Variants in SERPINE3 observed in about 807,000 individuals in gnomAD.
The protein encoded by SERPINE3 is serpin E3.
In SERPINE3, 43 loss-of-function variants were observed where a neutral mutation model predicts 41.7. That is an observed-to-expected ratio of 1.03 (90% CI 0.81 to 1.33). The LOEUF is 1.33. SERPINE3 is among the 40% of genes most tolerant of loss of function. The pLI, the probability that SERPINE3 is intolerant of heterozygous loss-of-function variation, is 0.00. For synonymous variants in SERPINE3, 200 were observed against 192.2 expected (o/e 1.04, Z -0.34); for missense variants, 440 against 491.7 (o/e 0.89, Z 0.99).
At chr13:51,355,188 G>A (rs1955460997) in intron 7 of SERPINE3, 45 bp downstream of exon 7, 2 of 964,460 alleles carry the variant, frequency 2.1e-6, no homozygotes, top group East Asian at 5.3e-5. Context: ...TGTATTTGGG[G>A]CAGTTTTATC....
In SERPINE3 at chr13:51,347,019, T is replaced by G; in HGVS notation, c.491-6T>G. ...ACCCATGGCCACCTTGCTTTCCTGC[T>G]TGCAGGTGGGGGCCCCAGTGAGGGC... is the stretch of plus-strand genomic sequence containing the variant. On this transcript the variant is annotated splice_polypyrimidine_tract_variant and splice_region_variant and intron_variant, in intron 4 of 9. Coordinates refer to ENST00000681248, the MANE Select transcript of SERPINE3 (RefSeq NM_001386375.1). 1.9e-6 allele frequency: 3 copies of G among 1,569,032 alleles called. No individual in the cohort carries two copies. Among genetic ancestry groups the G allele is most frequent in the Non-Finnish European group, 2.6e-6 (3 of 1,156,014 alleles).
Position 51,364,327 on chromosome 13 carries a change from T to C in SERPINE3, c.*45T>C. The C allele has an allele frequency of 8.6e-7, 1 of 1,164,470 alleles. No homozygotes were observed. Among genetic ancestry groups the C allele is most frequent in the Non-Finnish European group, 1.2e-6 (1 of 830,986 alleles). The allele number at this position is 1,164,470 out of a possible 1,614,324, so 72.1% of individuals were successfully genotyped here. A position where few individuals can be genotyped will look rare whatever the true frequency, so the allele number is the denominator to read the frequency against. On this transcript the variant is annotated 3_prime_UTR_variant, in exon 10 of 10. Coordinates refer to ENST00000681248, the MANE Select transcript of SERPINE3 (RefSeq NM_001386375.1). ...ATCAATGCTTTTCTTCATAAAGTTATAATTTCATTTTGCTATACCCTTGAA... is the reference window on the plus strand; with the variant it reads ...ATCAATGCTTTTCTTCATAAAGTTACAATTTCATTTTGCTATACCCTTGAA...
chr13:51,340,382 T>C (rs1337315632), intron 1 of SERPINE3, among the ~76,000 whole-genome samples: 1 of 152,244 alleles, frequency 6.6e-6, no homozygotes, highest in Non-Finnish European at 1.5e-5. Context: ...TATTCTTTTT[T>C]AGAGACTAAT....
At chr13:51,357,361 C>G (rs946204243) in intron 7 of SERPINE3, among the ~76,000 whole-genome samples, 3 of 152,116 alleles carry the variant, frequency 2.0e-5, no homozygotes, top group Non-Finnish European at 4.4e-5. Context: ...GAAACAAAAT[C>G]ATTTACTTAT....
At position 51,344,358 on chromosome 13, in the gene SERPINE3, GCCAC is replaced by G; in HGVS notation, c.364_367del (p.Pro122CysfsTer67). On this transcript the variant is annotated frameshift_variant, in exon 4 of 10. Coordinates refer to ENST00000681248, the MANE Select transcript of SERPINE3 (RefSeq NM_001386375.1). LOFTEE classifies it high-confidence loss of function. ...GCAGCCTTTTTGTGCAAGTGGGAAC[GCCAC>G]TGTCCCCCTGCTTTGTGGAGCACGT... 1 of 1,613,700 alleles carries G rather than the reference GCCAC, an allele frequency of 6.2e-7. No individual in the cohort carries two copies. Among genetic ancestry groups the G allele is most frequent in the Non-Finnish European group, 8.5e-7 (1 of 1,179,780 alleles).
At chr13:51,354,979 T>C in intron 6 of SERPINE3, 64 bp from the exon 7 acceptor site, 1 of 778,038 alleles carries the variant, frequency 1.3e-6, no homozygotes. Flanking sequence ...GGACTTCATG[T>C]GGTGTGTATG....
At position 51,361,350 on chromosome 13, in the gene SERPINE3, C is replaced by A; in HGVS notation, c.1073C>A (p.Ala358Glu). 8 of 1,605,298 alleles carry A rather than the reference C, an allele frequency of 5.0e-6. No individual in the cohort carries two copies. The highest frequency in any genetic ancestry group is 1.1e-5 in the South Asian group (1 of 90,344). Residue 358 changes from alanine (A) to glutamate (E), a missense_variant, in exon 8 of 10, where the codon GCA (alanine) becomes GAA (glutamate). Transcript: ENST00000681248. ...GAAGTTTTGGAGGAAGGCACCAAGG[C>A]ATCTGGAGCCACAGGTATGTTCAGA... ...KIEVLEEGTKASGATALLLLK... is the reference protein window; with the variant it reads ...KIEVLEEGTKESGATALLLLK...
Position 51,344,348 on chromosome 13 carries a change from A to C in SERPINE3, c.353A>C (p.Gln118Pro). Residue 118 changes from glutamine (Q) to proline (P), a missense_variant, in exon 4 of 10, where the codon CAA becomes CCA. Physicochemically the swap from Gln to Pro is moderately conservative, Grantham distance 76. Transcript: ENST00000681248. ...GAGCTGGCCTGCAGCCTTTTTGTGC[A>C]AGTGGGAACGCCACTGTCCCCCTGC... ...EMELACSLFV[Q>P]VGTPLSPCFV... 6.2e-7 allele frequency: 1 copy of C among 1,613,798 alleles called. No individual in the cohort carries two copies. The highest frequency in any genetic ancestry group is 8.5e-7 in the Non-Finnish European group (1 of 1,179,826).
chr13:51,362,470 T>C (rs538773684), intron 9 of SERPINE3: 1 of 152,984 alleles, frequency 6.5e-6, no homozygotes, highest in East Asian at 1.9e-4. Flanking sequence ...GACACACAAA[T>C]ATTCTTAGGC....
chr13:51,354,564 C>T (rs1018090977), intron 6 of SERPINE3, among the ~76,000 whole-genome samples: 4 of 150,142 alleles, frequency 2.7e-5, no homozygotes, highest in South Asian at 2.1e-4. Flanking sequence ...GAGTCCAGCC[C>T]GGGCAACATA....
At chr13:51,362,954 A>G (rs9535651) in intron 9 of SERPINE3, 15,566 of 152,150 alleles carry the variant, frequency 0.1, 1,141 homozygotes, top group Admixed American at 0.21. Context: ...TCCCAACCAC[A>G]TAACGATTAG....
intron 6 of SERPINE3, chr13:51,354,372 A>C (rs924127648): frequency 3.9e-5 from 6 of 152,182 alleles, no homozygotes; most frequent in African/African-American, 1.4e-4. Context: ...TAGTTATATG[A>C]AGATGAAATG....
At chr13:51,362,505 T>C (rs1177443600) in intron 9 of SERPINE3, 2 of 152,678 alleles carry the variant, frequency 1.3e-5, no homozygotes, top group Non-Finnish European at 2.9e-5. Context: ...ACAAAGTCTT[T>C]AGATTATTTC....
chr13:51,356,680 C>T (rs1955486597), intron 7 of SERPINE3, among the ~76,000 whole-genome samples: 2 of 152,160 alleles, frequency 1.3e-5, no homozygotes, highest in South Asian at 4.1e-4. Flanking sequence ...TAACACACAT[C>T]ATGTAGCTCC....
At chr13:51,355,974 G>A (rs562184370) in intron 7 of SERPINE3, among the ~76,000 whole-genome samples, 1 of 152,270 alleles carries the variant, frequency 6.6e-6, no homozygotes, top group South Asian at 2.1e-4. Flanking sequence ...ACATCATAAT[G>A]TGGACTTTTC....
intron 2 of SERPINE3, 30 bp downstream of exon 2, chr13:51,340,891 G>T (rs1955282691): frequency 1.7e-6 from 1 of 604,368 alleles, no homozygotes; most frequent in Non-Finnish European, 2.9e-6. Context: ...AAACAAGAGG[G>T]TGCAGCTCTG....
intron 7 of SERPINE3, among the ~76,000 whole-genome samples, chr13:51,358,288 T>C (rs538207532): frequency 6.6e-6 from 1 of 152,240 alleles, no homozygotes; most frequent in Non-Finnish European, 1.5e-5. Context: ...CAGCAAATAA[T>C]TGTAAAGACA....
intron 7 of SERPINE3, 145 bp downstream of exon 7, chr13:51,355,288 C>T: frequency 1.7e-6 from 1 of 574,516 alleles, no homozygotes; most frequent in East Asian, 2.9e-5. Flanking sequence ...TGTGTTGCTT[C>T]TAATAACAGT....
At chr13:51,357,593 A>G (rs578226471) in intron 7 of SERPINE3, among the ~76,000 whole-genome samples, 2 of 152,202 alleles carry the variant, frequency 1.3e-5, no homozygotes, top group Admixed American at 1.3e-4. Flanking sequence ...CCTTCTTGGC[A>G]TCAAATATTT....
Sources: allele counts gnomAD v4.1 joint callset (sites outside exome capture counted in the v4.1 genomes callset), GRCh38; gene constraint gnomAD v4.1.1; transcripts MANE v1.5; gene names NCBI Gene and HGNC (gene_info 2026-07-23, HGNC 2026-07-21).